Variants in STPG2 observed in about 807,000 individuals in gnomAD.
The protein encoded by STPG2 is sperm-tail PG-rich repeat-containing protein 2.
STPG2 carries 56 observed loss-of-function variants against 54.2 expected under a neutral mutation model. That is an observed-to-expected ratio of 1.03 (90% CI 0.83 to 1.29). The LOEUF is 1.29. STPG2 is among the 50% of genes most tolerant of loss of function. The pLI is 0.00. For missense variants in STPG2, 596 were observed against 544.9 expected (o/e 1.09, Z -0.93); for synonymous variants, 200 against 181.8 (o/e 1.10, Z -0.81).
At chr4:97,538,959 G>A (rs1731616200) in intron 4 of STPG2, among the ~76,000 whole-genome samples, 1 of 152,092 alleles carries the variant, frequency 6.6e-6, no homozygotes, top group Admixed American at 6.5e-5. Context: ...ATAAGTGGAG[G>A]AGAAATAAAA....
At chr4:98,029,748 A>G (rs546631734) in intron 5 of STPG2, among the ~76,000 whole-genome samples, 15 of 152,278 alleles carry the variant, frequency 9.9e-5, no homozygotes, top group African/African-American at 3.6e-4. Flanking sequence ...CACTTCAAGT[A>G]TTATTTGATC....
intron 8 of STPG2, among the ~76,000 whole-genome samples, chr4:97,875,306 C>A (rs561509959): frequency 2.6e-4 from 40 of 151,666 alleles, no homozygotes; most frequent in African/African-American, 9.7e-4. Flanking sequence ...ACATAATTGT[C>A]TCTTTATATA....
At chr4:97,492,233 C>T (rs1054953177) in intron 4 of STPG2, among the ~76,000 whole-genome samples, 1 of 151,566 alleles carries the variant, frequency 6.6e-6, no homozygotes, top group Admixed American at 6.6e-5. Context: ...TCTATTAGAA[C>T]ACCGGAAATT....
At chr4:97,983,806 G>A (rs1291452812) in intron 5 of STPG2, among the ~76,000 whole-genome samples, 3 of 152,232 alleles carry the variant, frequency 2.0e-5, no homozygotes, top group East Asian at 1.9e-4. Flanking sequence ...CACATTCACA[G>A]AGAATGAGAG....
intron 10 of STPG2, among the ~76,000 whole-genome samples, chr4:97,690,170 T>C (rs561961151): frequency 5.9e-5 from 9 of 152,284 alleles, no homozygotes; most frequent in Admixed American, 2.0e-4. Flanking sequence ...GTGAAAACTG[T>C]CATCACCTTT....
intron 5 of STPG2, among the ~76,000 whole-genome samples, chr4:98,060,881 C>T (rs1737630660): frequency 6.6e-6 from 1 of 152,172 alleles, no homozygotes; most frequent in Non-Finnish European, 1.5e-5. Context: ...AAGACTGCAA[C>T]TGGACCCCTT....
intron 5 of STPG2, among the ~76,000 whole-genome samples, chr4:98,088,215 G>A: frequency 6.6e-6 from 1 of 152,048 alleles, no homozygotes; most frequent in Non-Finnish European, 1.5e-5. Flanking sequence ...AAGAAGTTGG[G>A]GAGGTAATTA....
intron 10 of STPG2, among the ~76,000 whole-genome samples, chr4:97,658,439 G>C (rs192504612): frequency 6.6e-6 from 1 of 152,274 alleles, no homozygotes; most frequent in East Asian, 1.9e-4. Flanking sequence ...AGAGACAGGC[G>C]TGGCCTAGTA....
chr4:97,908,305 C>A (rs895919416), intron 8 of STPG2, among the ~76,000 whole-genome samples: 1 of 151,936 alleles, frequency 6.6e-6, no homozygotes, highest in African/African-American at 2.4e-5. Context: ...CAAATCAAAA[C>A]CACAATGAGA....
intron 8 of STPG2, among the ~76,000 whole-genome samples, chr4:97,939,423 G>C (rs1404345192): frequency 6.6e-6 from 1 of 152,166 alleles, no homozygotes. Flanking sequence ...AAGTCTTATT[G>C]TGTGGGAGTC....
chr4:97,669,551 C>A (rs1722635957), intron 10 of STPG2, among the ~76,000 whole-genome samples: 1 of 26,346 alleles, frequency 3.8e-5, no homozygotes, highest in Non-Finnish European at 6.9e-5. Context: ...AATCCCAGCA[C>A]TTTGGGAGGC....
intron 8 of STPG2, among the ~76,000 whole-genome samples, chr4:97,885,563 A>G (rs1003695140): frequency 1.3e-5 from 2 of 152,258 alleles, no homozygotes; most frequent in South Asian, 2.1e-4. Context: ...AGAAAATAGC[A>G]TAATATATAA....
At chr4:97,728,442 A>C (rs1014772568) in intron 9 of STPG2, among the ~76,000 whole-genome samples, 3 of 151,904 alleles carry the variant, frequency 2.0e-5, no homozygotes, top group African/African-American at 7.3e-5. Flanking sequence ...ATATGACGTA[A>C]CTCGGTAGAA....
intron 9 of STPG2, among the ~76,000 whole-genome samples, chr4:97,775,293 C>T (rs1025508910): frequency 3.3e-5 from 5 of 152,036 alleles, no homozygotes; most frequent in Non-Finnish European, 7.4e-5. Flanking sequence ...AGAGGCTACA[C>T]GTGCACAACG....
At chr4:97,901,075 A>G (rs113018250) in intron 8 of STPG2, among the ~76,000 whole-genome samples, 3 of 152,140 alleles carry the variant, frequency 2.0e-5, no homozygotes, top group African/African-American at 7.2e-5. Flanking sequence ...AACATATTGA[A>G]TAAACAAACA....
At chr4:97,535,829 A>G (rs753594785) in intron 4 of STPG2, among the ~76,000 whole-genome samples, 3 of 151,872 alleles carry the variant, frequency 2.0e-5, no homozygotes, top group Non-Finnish European at 4.4e-5. Context: ...ATACTCCCCC[A>G]CTGCTTTTCC....
intron 8 of STPG2, among the ~76,000 whole-genome samples, chr4:97,924,181 C>T (rs758340358): frequency 2.4e-4 from 36 of 152,198 alleles, no homozygotes; most frequent in Non-Finnish European, 3.7e-4. Context: ...TGAACACATC[C>T]GAACATCAGA....
At chr4:97,981,433 G>A in intron 5 of STPG2, 115 bp from the exon 6 acceptor site, 1 of 1,053,300 alleles carries the variant, frequency 9.5e-7, no homozygotes, top group South Asian at 1.7e-5. Flanking sequence ...ATTTCTTAAT[G>A]GAGTGAAGAA....
At chr4:97,634,509 AGAG>A (rs1721433038) in intron 10 of STPG2, among the ~76,000 whole-genome samples, 2 of 152,326 alleles carry the variant, frequency 1.3e-5, no homozygotes, top group Admixed American at 1.3e-4. Context: ...TGACGAGCTG[AGAG>A]AAGAAGGCTT....
Sources: gnomAD v4.1 joint callset for allele counts (sites outside exome capture counted in the v4.1 genomes callset) on GRCh38, gnomAD v4.1.1 for gene constraint, MANE v1.5 for transcripts, NCBI Gene and HGNC (gene_info 2026-07-23, HGNC 2026-07-21) for gene names.